Variants in NADK2 observed in about 807,000 individuals in gnomAD.
The protein encoded by NADK2 is NAD kinase 2, mitochondrial.
A neutral mutation model predicts 62.1 loss-of-function variants in NADK2; 35 were observed. That is an observed-to-expected ratio of 0.56 (90% CI 0.43 to 0.75). The LOEUF (loss-of-function observed/expected upper bound fraction) is 0.75, where lower values mean the gene tolerates loss of function less well. Among genes scored for constraint, NADK2 ranks in the 30% least tolerant of loss-of-function variants. The probability of loss-of-function intolerance (pLI) is 0.00; values close to 1 mark genes in which losing one functional copy is unlikely to be tolerated. For missense variants in NADK2, 439 were observed against 561.3 expected, an observed-to-expected ratio of 0.78 and a Z score of 2.20; for synonymous variants, 205 against 207.9, an observed-to-expected ratio of 0.99 and a Z score of 0.12.
At chr5:36,236,484 T>G (rs1747912268) in intron 1 of NADK2, among the ~76,000 whole-genome samples, 1 of 152,154 alleles carries the variant, frequency 6.6e-6, no homozygotes, top group Non-Finnish European at 1.5e-5. Context: ...GAAACCTCTA[T>G]CAAAGAATCC....
chr5:36,208,542 C>CA, intron 7 of NADK2: 8 of 958,696 alleles, frequency 8.3e-6, no homozygotes, highest in Non-Finnish European at 1.2e-5. Flanking sequence ...GTCATTCTCA[C>CA]ATGCAAGATT....
chr5:36,195,286 G>A lies in NADK2; in HGVS notation c.1191-4C>T, dbSNP rs1274421962. The A allele has an allele frequency of 2.5e-6, 4 of 1,600,966 alleles. No homozygotes were observed. In the East Asian group the frequency reaches 6.7e-5, roughly 27 times the overall value. ...ACAACGAGAACGAACACAAACCCTA[G>A]GCAGAAGGAAATATCTCATTAAATA... On this transcript the variant is annotated splice_polypyrimidine_tract_variant and splice_region_variant and intron_variant, in intron 11 of 11. Coordinates refer to ENST00000381937, the MANE Select transcript of NADK2 (RefSeq NM_001085411.3).
At chr5:36,211,720 T>C in intron 7 of NADK2, 124 bp downstream of exon 7, 1 of 747,136 alleles carries the variant, frequency 1.3e-6, no homozygotes, top group Non-Finnish European at 2.3e-6. Flanking sequence ...TTTCATTAAA[T>C]AATGAACTGC....
At position 36,205,934 on chromosome 5, in the gene NADK2, A is replaced by G. The variant is rs1746617434; in HGVS notation, c.956+1236T>C. On this transcript the variant is annotated intron_variant, in intron 8 of 11. Coordinates refer to ENST00000381937, the MANE Select transcript of NADK2 (RefSeq NM_001085411.3). The surrounding 1 kb of genome is among the most constrained non-coding windows in gnomAD (Gnocchi z 4.1). ...ACAGACTGGATAAAGAAAATGTGGC[A>G]CATATATACCATGGAATACTATGCA... is the stretch of plus-strand genomic sequence containing the variant. Among the ~76,000 whole-genome samples, 1 of 152,198 alleles carries G rather than the reference A, an allele frequency of 6.6e-6. No homozygotes were observed. Among genetic ancestry groups the G allele is most frequent in the Non-Finnish European group, 1.5e-5 (1 of 68,050 alleles).
intron 3 of NADK2, 68 bp from the exon 4 acceptor site, chr5:36,225,691 T>C: frequency 6.8e-7 from 1 of 1,468,208 alleles, no homozygotes; most frequent in Non-Finnish European, 9.5e-7. Flanking sequence ...TTTGGCCATT[T>C]TGAAAATCAG....
At position 36,241,401 on chromosome 5, in the gene NADK2, T is replaced by C; in HGVS notation, c.300+98A>G. The C allele has an allele frequency of 4.3e-6, 6 of 1,390,172 alleles. No homozygotes were observed. The highest frequency in any genetic ancestry group is 5.6e-6 in the Non-Finnish European group (6 of 1,075,072). 86.1% of individuals were successfully genotyped at this position (1,390,172 alleles called of 1,614,324 possible). ...GGCAGGACCGGCATCTGCGGTGCCC[T>C]GGGAAGAGTCGTCCCGAGAGGTCCC... On this transcript the variant is annotated intron_variant, in intron 1 of 11. Coordinates refer to ENST00000381937, the MANE Select transcript of NADK2 (RefSeq NM_001085411.3). The surrounding 1 kb of genome is among the most constrained non-coding windows in gnomAD (Gnocchi z 4.9).
chr5:36,217,770 G>T lies in NADK2; in HGVS notation c.759C>A (p.Asn253Lys), dbSNP rs1417843357. 6.2e-7 allele frequency: 1 copy of T among 1,613,748 alleles called. No individual in the cohort carries two copies. Among genetic ancestry groups the T allele is most frequent in the African/African-American group, 1.3e-5 (1 of 74,882 alleles). The change falls in exon 6 of 12, where the codon AAC (asparagine) becomes AAA (lysine). Residue 253 changes from asparagine to lysine, a missense_variant. By Grantham distance (94) the Asn-to-Lys change is moderately conservative. Transcript: ENST00000381937. ...LSLNQHNRALNIERAHDERSE... is the reference protein window; with the variant it reads ...LSLNQHNRALKIERAHDERSE... ...TACTTTCATCATGAGCTCTTTCAATGTTAAGGGCTCTATTGTGCTGATTCA... is the reference window on the plus strand; with the variant it reads ...TACTTTCATCATGAGCTCTTTCAATTTTAAGGGCTCTATTGTGCTGATTCA...
Position 36,241,295 on chromosome 5 carries a change from G to C in NADK2, c.300+204C>G. On this transcript the variant is annotated intron_variant, in intron 1 of 11. Transcript: ENST00000381937. The surrounding 1 kb of genome is among the most constrained non-coding windows in gnomAD (Gnocchi z 4.9). The stretch of plus-strand genomic sequence containing the variant: ...TGTCCCTCTCTCTCCCCCTCTCCCC[G>C]GCCCTGCCTCTCCCTCGCACACACG... 1 of 1,029,772 alleles carries C rather than the reference G, an allele frequency of 9.7e-7. No individual in the cohort carries two copies. The highest frequency in any genetic ancestry group is 2.3e-5 in the South Asian group (1 of 44,278). 63.8% of individuals were successfully genotyped at this position (1,029,772 alleles called of 1,614,324 possible).
At position 36,195,585 on chromosome 5, in the gene NADK2, G is replaced by C. The variant is rs530729781; in HGVS notation, c.1191-303C>G. Among the ~76,000 whole-genome samples the C allele has an allele frequency of 8.0e-4, 122 of 152,268 alleles. 3 individuals are homozygous for C. In the South Asian group the frequency reaches 1.0e-2, roughly 12 times the overall value. On this transcript the variant is annotated intron_variant, in intron 11 of 11. Coordinates refer to ENST00000381937, the MANE Select transcript of NADK2 (RefSeq NM_001085411.3). Reference sequence around the variant, plus strand: ...ATTACAAATATTAAGTATTGAATAAGAGTGTTAACTATTTTCATGTAAAAT... The same window carrying C: ...ATTACAAATATTAAGTATTGAATAACAGTGTTAACTATTTTCATGTAAAAT...
At chr5:36,233,610 A>T (rs1747789962) in intron 1 of NADK2, among the ~76,000 whole-genome samples, 1 of 152,178 alleles carries the variant, frequency 6.6e-6, no homozygotes, top group Non-Finnish European at 1.5e-5. Flanking sequence ...TACTAGGCTA[A>T]ATTCTTCCCT....
At position 36,230,135 on chromosome 5, in the gene NADK2, T is replaced by C. The variant is rs141921240; in HGVS notation, c.301-2570A>G. ...ACAGCATGTCTCTTCCTCAGCTTAATGCCCTTCTACAAATGGCACTTTCTT... is the reference window on the plus strand; with the variant it reads ...ACAGCATGTCTCTTCCTCAGCTTAACGCCCTTCTACAAATGGCACTTTCTT... On this transcript the variant is annotated intron_variant, in intron 1 of 11. Transcript: ENST00000381937. 1.9e-3 allele frequency among the ~76,000 whole-genome samples: 296 copies of C among 152,188 alleles called. 2 individuals carry two copies. Among genetic ancestry groups the C allele is most frequent in the African/African-American group, 6.7e-3 (278 of 41,562 alleles).
rs917410182 is a variant in NADK2, at chr5:36,194,845, C to T, written c.*299G>A. The T allele has an allele frequency of 2.6e-5, 6 of 231,890 alleles. No homozygotes were observed. Among genetic ancestry groups the T allele is most frequent in the African/African-American group, 1.1e-4 (5 of 44,146 alleles). 14.4% of individuals were successfully genotyped at this position (231,890 alleles called of 1,614,324 possible). The stretch of plus-strand genomic sequence containing the variant: ...AGTTTCAAATCCTAAATATTTAGTC[C>T]TTTATTTAAGCCTGCCCCTCTAAAT... On this transcript the variant is annotated 3_prime_UTR_variant, in exon 12 of 12. Transcript: ENST00000381937.
chr5:36,202,677 C>A (rs559672054), intron 8 of NADK2, among the ~76,000 whole-genome samples: 1 of 152,038 alleles, frequency 6.6e-6, no homozygotes, highest in South Asian at 2.1e-4. Flanking sequence ...ACATGATAAA[C>A]AATACTTCAA....
chr5:36,232,055 G>A lies in NADK2; in HGVS notation c.301-4490C>T, dbSNP rs112888161. ...CAAGAGTTTCTCCTACAGAATCTCC[G>A]AAAGCCAAGATCATGTCTCCCCACA... On this transcript the variant is annotated intron_variant, in intron 1 of 11. Coordinates refer to ENST00000381937, the MANE Select transcript of NADK2 (RefSeq NM_001085411.3). 1.7e-3 allele frequency among the ~76,000 whole-genome samples: 266 copies of A among 152,150 alleles called. 1 individual carries two copies. Among genetic ancestry groups the A allele is most frequent in the South Asian group, 2.7e-3 (13 of 4,822 alleles).
At chr5:36,214,033 G>A (rs1169306637) in intron 6 of NADK2, among the ~76,000 whole-genome samples, 1 of 151,912 alleles carries the variant, frequency 6.6e-6, no homozygotes, top group Non-Finnish European at 1.5e-5. Context: ...AAATGAGTTT[G>A]ACAATAAATA....
At chr5:36,218,669 A>AAGT (rs1437951871) in intron 5 of NADK2, among the ~76,000 whole-genome samples, 8 of 152,208 alleles carry the variant, frequency 5.3e-5, no homozygotes, top group African/African-American at 1.9e-4. Flanking sequence ...AGGAAATAAA[A>AAGT]AGTAGTCCAA....
intron 1 of NADK2, among the ~76,000 whole-genome samples, chr5:36,239,480 C>T (rs1287617971): frequency 1.3e-5 from 2 of 152,156 alleles, no homozygotes; most frequent in Non-Finnish European, 1.5e-5. Context: ...ATTCTACAGC[C>T]CACGAGTTTT....
In NADK2 at chr5:36,209,973, T is replaced by C. The variant is rs991033; in HGVS notation, c.860+1871A>G. Among the ~76,000 whole-genome samples, 1,839 of 152,306 alleles carry C rather than the reference T, an allele frequency of 0.012. 152 individuals carry two copies. In the East Asian group the frequency reaches 0.21, roughly 18 times the overall value. ...TTTCGGCACAACCCGAGTTGAGTCA[T>C]TGGCTACAATGTGAATATCTTTTTT... On this transcript the variant is annotated intron_variant, in intron 7 of 11. Transcript: ENST00000381937.
Position 36,241,685 on chromosome 5 carries a change from G to T in NADK2, c.114C>A (p.Gly38=), listed in dbSNP as rs1470145071. 4 of 1,156,558 alleles carry T rather than the reference G, an allele frequency of 3.5e-6. No individual in the cohort carries two copies. The highest frequency in any genetic ancestry group is 3.2e-6 in the Non-Finnish European group (3 of 943,208). The allele number at this position is 1,156,558 out of a possible 1,614,324, so 71.6% of individuals were successfully genotyped here. A position where few individuals can be genotyped will look rare whatever the true frequency, so the allele number is the denominator to read the frequency against. ...GGTGCCGCCGGCCGCCACCGTCACC[G>T]CCCAGCCGGGGCCGCGCGGCGGGGC... ...AGGPAARPRL[G]GDGGGRRHLG... Residue 38 remains glycine (G), a synonymous_variant, in exon 1 of 12, where the codon GGC becomes GGA. Coordinates refer to ENST00000381937, the MANE Select transcript of NADK2 (RefSeq NM_001085411.3). This position sits in a 1 kb window ranked among gnomAD's most constrained non-coding sequence, Gnocchi z 4.9.
Sources: allele counts gnomAD v4.1 joint callset (sites outside exome capture counted in the v4.1 genomes callset), GRCh38; gene constraint gnomAD v4.1.1; non-coding constraint Gnocchi (gnomAD v3.1); transcripts MANE v1.5; gene names NCBI Gene and HGNC (gene_info 2026-07-23, HGNC 2026-07-21).